Variants in FGFR3 observed in about 807,000 individuals in gnomAD.
FGFR3 encodes FGFR-3.
A neutral mutation model predicts 82.9 loss-of-function variants in FGFR3; 25 were observed. That is an observed-to-expected ratio of 0.30 (90% CI 0.22 to 0.42). The LOEUF (loss-of-function observed/expected upper bound fraction) is 0.42. FGFR3 is among the 10% of genes least tolerant of loss of function. FGFR3 has a pLI of 1.00. For missense variants in FGFR3, 1,026 were observed against 1,161.0 expected (o/e 0.88, Z 1.69); for synonymous variants, 620 against 516.0 (o/e 1.20, Z -2.73).
chr4:1,803,133 A>G (rs1274889755), intron 7 of FGFR3: 3 of 1,413,670 alleles, frequency 2.1e-6, no homozygotes, highest in African/African-American at 1.5e-5. Context: ...CGCGCCCTGC[A>G]CGCCCCGCAC....
chr4:1,793,514 G>C (rs1200003296), intron 1 of FGFR3, 49 bp downstream of exon 1: 2 of 149,734 alleles, frequency 1.3e-5, no homozygotes, highest in Non-Finnish European at 3.0e-5. Context: ...AACGGTGCTC[G>C]CGGAGGGGTC....
At chr4:1,798,895 G>T (rs1313160730) in intron 2 of FGFR3, among the ~76,000 whole-genome samples, 1 of 152,188 alleles carries the variant, frequency 6.6e-6, no homozygotes, top group Non-Finnish European at 1.5e-5. Flanking sequence ...ATGTTTCCAA[G>T]CAATTGAACA....
At chr4:1,803,168 C>T (rs943740399) in intron 7 of FGFR3, 82 of 1,305,134 alleles carry the variant, frequency 6.3e-5, no homozygotes, top group East Asian at 6.1e-4. Flanking sequence ...GCTCCCGCCC[C>T]GGCTCGCGCT....
chr4:1,807,887 T>G lies in FGFR3; in HGVS notation c.*625T>G. 1 of 418,690 alleles carries G rather than the reference T, an allele frequency of 2.4e-6. No homozygotes were observed. The highest frequency in any genetic ancestry group is 4.5e-6 in the Non-Finnish European group (1 of 221,544). The allele number at this position is 418,690 out of a possible 1,614,324, so 25.9% of individuals were successfully genotyped here. A position where few individuals can be genotyped will look rare whatever the true frequency, so the allele number is the denominator to read the frequency against. ...TACATTTCTATAAATAGATGCTGTGTATATGGTATATATACATATATATAT... is the reference window on the plus strand; with the variant it reads ...TACATTTCTATAAATAGATGCTGTGGATATGGTATATATACATATATATAT... On this transcript the variant is annotated 3_prime_UTR_variant, in exon 18 of 18. Coordinates refer to ENST00000440486, the MANE Select transcript of FGFR3 (RefSeq NM_000142.5).
At position 1,806,172 on chromosome 4, in the gene FGFR3, A is replaced by C. The variant is rs1338610005; in HGVS notation, c.1958A>C (p.Asn653Thr). 4 of 1,612,634 alleles carry C rather than the reference A, an allele frequency of 2.5e-6. No homozygotes were observed. The East Asian group carries it at 8.9e-5, about 36-fold the overall frequency. The part of the protein sequence containing the change: ...HNLDYYKKTT[N>T]GRLPVKWMAP... ...CTCGACTACTACAAGAAGACGACCA[A>C]CGTGAGCCCGGCCCTGGGGTGCGGG... The change falls in exon 14 of 18, where the codon AAC becomes ACC. Residue 653 changes from asparagine to threonine, a missense_variant and splice_region_variant. Physicochemically the swap from Asn to Thr is moderately conservative, Grantham distance 65. This residue lies in a region of FGFR3 where 45 missense variants were observed against 80.8 expected (regional missense o/e 0.56). Coordinates refer to ENST00000440486, the MANE Select transcript of FGFR3 (RefSeq NM_000142.5).
At chr4:1,806,215 T>C (rs1178687971) in intron 14 of FGFR3, 42 bp downstream of exon 14, 2 of 1,612,684 alleles carry the variant, frequency 1.2e-6, no homozygotes, top group African/African-American at 1.3e-5. Context: ...GTCATGCCAG[T>C]AGGACGCCTG....
rs2108815212 is a variant in FGFR3, at chr4:1,806,935, G to GAGTACC, written c.2274+1_2274+2insAGTACC. On this transcript the variant is annotated splice_donor_variant, in intron 17 of 17. Transcript: ENST00000440486. LOFTEE classifies it high-confidence loss of function. ...TGTCCTTACCGTGACGTCCACCGAC[G>GAGTACC]TGAGTGCTGGCTCTGGCCTGGTGCC... 1 of 1,599,908 alleles carries GAGTACC rather than the reference G, an allele frequency of 6.3e-7. No homozygotes were observed. The highest frequency in any genetic ancestry group is 8.5e-7 in the Non-Finnish European group (1 of 1,173,586).
intron 2 of FGFR3, among the ~76,000 whole-genome samples, chr4:1,795,128 A>C (rs1720328446): frequency 6.6e-6 from 1 of 151,342 alleles, no homozygotes; most frequent in South Asian, 2.1e-4. Flanking sequence ...TTTTTTTATG[A>C]ATGAAAGTGG....
intron 9 of FGFR3, 48 bp from the exon 10 acceptor site, chr4:1,804,776 C>A (rs368755907): frequency 6.5e-7 from 1 of 1,547,858 alleles, no homozygotes; most frequent in Non-Finnish European, 8.7e-7. Context: ...TGTACCTCCA[C>A]GCCCTGTCGC....
At chr4:1,799,551 G>C (rs764297698) in intron 3 of FGFR3, 28 bp downstream of exon 3, 8 of 1,550,028 alleles carry the variant, frequency 5.2e-6, no homozygotes, top group Non-Finnish European at 7.0e-6. Context: ...GCCAGCTACA[G>C]AAAGGAGCCG....
rs772157613 is a variant in FGFR3 at position 1,805,823 on chromosome 4, G to A, written c.1719G>A (p.Pro573=). 9.6e-5 allele frequency: 155 copies of A among 1,612,098 alleles called. 1 individual carries two copies. The highest frequency in any genetic ancestry group is 1.2e-4 in the Admixed American group (7 of 59,992). ...AGTTTCTGCGGGCGCGGCGGCCCCC[G>A]GGCCTGGACTACTCCTTCGACACCT... ...LREFLRARRP[P]GLDYSFDTCK... is the part of the protein sequence containing the mutation. Residue 573 remains proline, a synonymous_variant, in exon 13 of 18, where the codon CCG becomes CCA. Coordinates refer to ENST00000440486, the MANE Select transcript of FGFR3 (RefSeq NM_000142.5).
rs1232852076 is a variant in FGFR3 at position 1,805,901 on chromosome 4, C to T, written c.1797C>T (p.Tyr599=). The change falls in exon 13 of 18, where the codon TAC becomes TAT. Residue 599 remains tyrosine, a synonymous_variant. Coordinates refer to ENST00000440486, the MANE Select transcript of FGFR3 (RefSeq NM_000142.5). The part of the protein sequence containing the change: ...LTFKDLVSCA[Y]QVARGMEYLA... Reference sequence around the variant, plus strand: ...TCAAGGACCTGGTGTCCTGTGCCTACCAGGTGGCCCGGGGCATGGAGTACT... The same window carrying T: ...TCAAGGACCTGGTGTCCTGTGCCTATCAGGTGGCCCGGGGCATGGAGTACT... The T allele has an allele frequency of 1.9e-6, 3 of 1,612,148 alleles. No homozygotes were observed. The highest frequency in any genetic ancestry group is 2.2e-5 in the South Asian group (2 of 91,016).
rs17881656 is a variant in FGFR3, at chr4:1,804,404, T to C, written c.1150T>C (p.Phe384Leu). 7,129 of 1,613,186 alleles carry C rather than the reference T, an allele frequency of 4.4e-3. 31 individuals are homozygous for C. Among genetic ancestry groups the C allele is most frequent in the Non-Finnish European group, 5.5e-3 (6,540 of 1,179,720 alleles). ...CATCCTCAGCTACGGGGTGGGCTTCTTCCTGTTCATCCTGGTGGTGGCGGC... is the reference window on the plus strand; with the variant it reads ...CATCCTCAGCTACGGGGTGGGCTTCCTCCTGTTCATCCTGGTGGTGGCGGC... ...AGILSYGVGF[F>L]LFILVVAAVT... is the part of the protein sequence containing the mutation. Residue 384 changes from phenylalanine (F) to leucine (L), a missense_variant, in exon 9 of 18, where the codon TTC becomes CTC. Physicochemically the swap from Phe to Leu is conservative, Grantham distance 22. Around this residue, in one of 9 missense-constraint regions of FGFR3, gnomAD observed 256 missense variants for 217.6 expected, o/e 1.18. Coordinates refer to ENST00000440486, the MANE Select transcript of FGFR3 (RefSeq NM_000142.5).
chr4:1,798,200 A>T (rs1720745083), intron 2 of FGFR3, among the ~76,000 whole-genome samples: 1 of 151,970 alleles, frequency 6.6e-6, no homozygotes, highest in African/African-American at 2.4e-5. Context: ...CCACCTGCAC[A>T]TCTGCCCCTG....
chr4:1,805,661 C>T lies in FGFR3; in HGVS notation c.1637C>T (p.Thr546Met), dbSNP rs587777857. 4 of 1,612,654 alleles carry T rather than the reference C, an allele frequency of 2.5e-6. No homozygotes were observed. The highest frequency in any genetic ancestry group is 3.4e-6 in the Non-Finnish European group (4 of 1,179,480). Residue 546 changes from threonine (T) to methionine (M), a missense_variant, in exon 12 of 18, where the codon ACG (threonine) becomes ATG (methionine). Around this residue, in one of 9 missense-constraint regions of FGFR3, gnomAD observed 164 missense variants for 167.5 expected, o/e 0.98. Coordinates refer to ENST00000440486, the MANE Select transcript of FGFR3 (RefSeq NM_000142.5). ...KNIINLLGAC[T>M]QGGPLYVLVE... ...ATCATCAACCTGCTGGGCGCCTGCA[C>T]GCAGGGCGGTAGGTGCGGTAGCGGC...
At chr4:1,794,565 C>T (rs1235616245) in intron 2 of FGFR3, among the ~76,000 whole-genome samples, 3 of 152,216 alleles carry the variant, frequency 2.0e-5, no homozygotes, top group African/African-American at 4.8e-5. Context: ...GACCCTGCCC[C>T]TGCCTGGGGG....
At chr4:1,799,890 C>A in intron 4 of FGFR3, 78 bp downstream of exon 4, 1 of 1,532,146 alleles carries the variant, frequency 6.5e-7, no homozygotes, top group Non-Finnish European at 8.9e-7. Context: ...TCACAGGCAG[C>A]TGAGGGACTA....
At position 1,808,358 on chromosome 4, in the gene FGFR3, CAGG is replaced by C. The variant is rs1446834117; in HGVS notation, c.*1099_*1101del. ...ATATTTTATTTCCTTTGTCCTTTTT[CAGG>C]AGAATTAGATTTCTATAGGATTTTT... On this transcript the variant is annotated 3_prime_UTR_variant, in exon 18 of 18. Coordinates refer to ENST00000440486, the MANE Select transcript of FGFR3 (RefSeq NM_000142.5). The C allele has an allele frequency of 4.3e-6, 1 of 232,106 alleles. No individual in the cohort carries two copies. The highest frequency in any genetic ancestry group is 8.5e-6 in the Non-Finnish European group (1 of 117,296). 14.4% of individuals were successfully genotyped at this position (232,106 alleles called of 1,614,324 possible). A position where few individuals can be genotyped will look rare whatever the true frequency, so the allele number is the denominator to read the frequency against.
chr4:1,802,589 G>A (rs143328498), intron 7 of FGFR3, among the ~76,000 whole-genome samples: 4 of 152,240 alleles, frequency 2.6e-5, no homozygotes, highest in Non-Finnish European at 4.4e-5. Flanking sequence ...GGGAGCAGGC[G>A]CAGGGCGAGG....
Sources: allele counts gnomAD v4.1 joint callset (sites outside exome capture counted in the v4.1 genomes callset), GRCh38; gene constraint gnomAD v4.1.1; regional missense constraint gnomAD v4.1.1; transcripts MANE v1.5; gene names NCBI Gene and HGNC (gene_info 2026-07-23, HGNC 2026-07-21).